ANK2: variants seen among roughly 807,000 people sequenced by gnomAD.
The protein encoded by ANK2 is ankyrin-2.
ANK2 carries 83 observed loss-of-function variants against 360.5 expected under a neutral mutation model. That is an observed-to-expected ratio of 0.23 (90% CI 0.19 to 0.28). The LOEUF is 0.28. Ranked by LOEUF, ANK2 falls within the 10% of genes least tolerant of loss-of-function variation. The pLI is 1.00. For missense variants in ANK2, 4,201 were observed against 4,795.7 expected, an observed-to-expected ratio of 0.88 and a Z score of 3.66; for synonymous variants, 1,740 against 1,759.5, an observed-to-expected ratio of 0.99 and a Z score of 0.28.
chr4:113,359,918 C>T (rs1276096283), intron 38 of ANK2, among the ~76,000 whole-genome samples: 2 of 152,104 alleles, frequency 1.3e-5, no homozygotes, highest in Admixed American at 6.6e-5. Flanking sequence ...GGAGAATGTA[C>T]TCTCATTAGA....
chr4:113,155,598 T>G (rs569614754), intron 1 of ANK2, among the ~76,000 whole-genome samples: 2 of 152,212 alleles, frequency 1.3e-5, no homozygotes, highest in African/African-American at 4.8e-5. Context: ...GAAACAATTT[T>G]TAATTAATAA....
intron 2 of ANK2, among the ~76,000 whole-genome samples, chr4:113,193,015 G>A (rs944525433): frequency 1.3e-5 from 2 of 151,898 alleles, no homozygotes; most frequent in African/African-American, 2.4e-5. Flanking sequence ...GGCGCTAGAC[G>A]GGACTCCGCT....
chr4:113,014,568 T>C (rs1382258082), intron 2 of ANK2, among the ~76,000 whole-genome samples: 1 of 152,086 alleles, frequency 6.6e-6, no homozygotes, highest in Non-Finnish European at 1.5e-5. Flanking sequence ...AGGATACTGG[T>C]TGGTTTGTTT....
rs372212045 is a variant in ANK2 at position 113,367,763 on chromosome 4, A to G, written c.11230A>G (p.Thr3744Ala). Residue 3744 changes from threonine (T) to alanine (A), a missense_variant, in exon 42 of 46, where the codon ACT (threonine) becomes GCT (alanine). Thr to Ala is a moderately conservative substitution (Grantham distance 58). Around this residue, in one of 4 missense-constraint regions of ANK2, gnomAD observed 2,642 missense variants for 2,714.5 expected, o/e 0.97. Transcript: ENST00000357077. ...DSSATALFPQ[T>A]HKEQVQQDFS... is the part of the protein sequence containing the mutation. ...CTCAGCAACAGCACTCTTTCCCCAA[A>G]CTCACAAGGAGCAAGTTCAACAGGA... 1 of 1,613,906 alleles carries G rather than the reference A, an allele frequency of 6.2e-7. No homozygotes were observed. The highest frequency in any genetic ancestry group is 8.5e-7 in the Non-Finnish European group (1 of 1,180,000).
At chr4:112,974,802 TC>T (rs1252067002) in intron 2 of ANK2, among the ~76,000 whole-genome samples, 5 of 151,340 alleles carry the variant, frequency 3.3e-5, no homozygotes, top group Non-Finnish European at 7.4e-5. Flanking sequence ...TTTTTTCCTC[TC>T]CTCATTTAGC....
chr4:113,240,496 C>G lies in ANK2; in HGVS notation c.705C>G (p.Thr235=), dbSNP rs1585766344. 2 of 1,613,530 alleles carry G rather than the reference C, an allele frequency of 1.2e-6. No individual in the cohort carries two copies. The highest frequency in any genetic ancestry group is 1.7e-6 in the Non-Finnish European group (2 of 1,179,750). Residue 235 remains threonine (T), a synonymous_variant, in exon 8 of 46, where the codon ACC becomes ACG. Coordinates refer to ENST00000357077, the MANE Select transcript of ANK2 (RefSeq NM_001148.6). ...CTTTGCTTTCATAGAGTGGTTTTACCCCTTTGCACATAGCTGCACATTACG... is the reference window on the plus strand; with the variant it reads ...CTTTGCTTTCATAGAGTGGTTTTACGCCTTTGCACATAGCTGCACATTACG... ...MVNRTTESGF[T]PLHIAAHYGN...
intron 2 of ANK2, among the ~76,000 whole-genome samples, chr4:113,042,312 C>A (rs1462393443): frequency 6.6e-6 from 1 of 152,160 alleles, no homozygotes; most frequent in East Asian, 1.9e-4. Flanking sequence ...AGGCCTTTGG[C>A]CTCAGCCTGA....
intron 39 of ANK2, among the ~76,000 whole-genome samples, chr4:113,361,412 A>C (rs2096215254): frequency 6.6e-6 from 1 of 152,134 alleles, no homozygotes; most frequent in South Asian, 2.1e-4. Flanking sequence ...TTAATAATTT[A>C]TTAAGGAAAA....
At chr4:112,803,628 G>A in the ANK2 span, among the ~76,000 whole-genome samples, 8 of 152,088 alleles carry the variant, frequency 5.3e-5, no homozygotes, top group East Asian at 3.8e-4. Flanking sequence ...GAATTTCTAC[G>A]TGCAGAATTG....
At chr4:112,970,479 C>T (rs375141802) in intron 2 of ANK2, among the ~76,000 whole-genome samples, 35 of 152,170 alleles carry the variant, frequency 2.3e-4, no homozygotes, top group East Asian at 2.1e-3. Context: ...CTCAGCCTCC[C>T]GAGTAGCTGG....
chr4:113,200,999 C>T (rs754279748), intron 4 of ANK2, among the ~76,000 whole-genome samples: 17 of 152,036 alleles, frequency 1.1e-4, no homozygotes, highest in Non-Finnish European at 2.1e-4. Context: ...AACAAACCTG[C>T]ATGTTGTGCA....
intron 1 of ANK2, among the ~76,000 whole-genome samples, chr4:113,148,119 G>A (rs762505089): frequency 6.6e-6 from 1 of 152,204 alleles, no homozygotes; most frequent in South Asian, 2.1e-4. Flanking sequence ...GTAGGCTCCA[G>A]AGAGAAGGAT....
At chr4:113,117,362 A>G (rs1459372022) in intron 1 of ANK2, 1 of 456,134 alleles carries the variant, frequency 2.2e-6, no homozygotes, top group African/African-American at 2.0e-5. Flanking sequence ...AAATCTTGAG[A>G]GAGACAGAAA....
chr4:113,094,517 C>CGTGT (rs35254461), intron 1 of ANK2, among the ~76,000 whole-genome samples: 285 of 149,544 alleles, frequency 1.9e-3, no homozygotes, highest in Middle Eastern at 6.9e-3. Flanking sequence ...GGGTGCAGCA[C>CGTGT]GTGTGTGTGT....
chr4:113,124,235 C>T (rs1283163816), intron 1 of ANK2, among the ~76,000 whole-genome samples: 1 of 152,158 alleles, frequency 6.6e-6, no homozygotes, highest in African/African-American at 2.4e-5. Flanking sequence ...TAATTGGTAG[C>T]TTAGCAGCCT....
chr4:112,931,433 CTTTTTTTTTTTT>C (rs59802557), intron 2 of ANK2, among the ~76,000 whole-genome samples: 6 of 85,268 alleles, frequency 7.0e-5, no homozygotes, highest in Non-Finnish European at 1.3e-4. Flanking sequence ...TCTTTCTTTT[CTTTTTTTTTTTT>C]TTTTTTTTTT....
chr4:113,139,128 A>C (rs1582794066), intron 1 of ANK2, among the ~76,000 whole-genome samples: 1 of 152,154 alleles, frequency 6.6e-6, no homozygotes, highest in Non-Finnish European at 1.5e-5. Flanking sequence ...TGATAGATAG[A>C]TAGGTCTGGA....
the ANK2 span, among the ~76,000 whole-genome samples, chr4:112,734,328 A>G: frequency 4.6e-5 from 7 of 152,216 alleles, no homozygotes; most frequent in South Asian, 6.2e-4. Context: ...GGACTTGACA[A>G]GTGCTGAAAA....
intron 2 of ANK2, among the ~76,000 whole-genome samples, chr4:112,992,375 C>A (rs1249168571): frequency 6.6e-6 from 1 of 152,070 alleles, no homozygotes; most frequent in South Asian, 2.1e-4. Flanking sequence ...AACTCCTGAC[C>A]TCAAGTGATC....
Sources: allele counts gnomAD v4.1 joint callset (sites outside exome capture counted in the v4.1 genomes callset), GRCh38; gene constraint gnomAD v4.1.1; regional missense constraint gnomAD v4.1.1; transcripts MANE v1.5; gene names NCBI Gene and HGNC (gene_info 2026-07-23, HGNC 2026-07-21).